SH2D4B: variants seen among roughly 807,000 people sequenced by gnomAD.
SH2D4B encodes SH2 domain containing 4B, also known as SH2 domain-containing protein 4B.
Under a neutral mutation model 61.5 loss-of-function variants are expected in SH2D4B, and 45 were observed. The observed-to-expected ratio is 0.73, with a 90% CI of 0.58 to 0.94. The LOEUF (loss-of-function observed/expected upper bound fraction) is 0.94, where lower values mean the gene tolerates loss of function less well. Among genes scored for constraint, SH2D4B ranks in the 40% least tolerant of loss-of-function variants. The pLI is 0.00. For synonymous variants in SH2D4B, 224 were observed against 220.4 expected, an observed-to-expected ratio of 1.02 and a Z score of -0.14; for missense variants, 572 against 574.2, an observed-to-expected ratio of 1.00 and a Z score of 0.04.
rs778648610 is a variant in SH2D4B, at chr10:80,603,802, C to G, written c.860+7C>G. On this transcript the variant is annotated splice_region_variant and intron_variant, in intron 5 of 7. Coordinates refer to ENST00000646907, the MANE Select transcript of SH2D4B (RefSeq NM_001388272.1). ...CCCTTGCCCTGCCGGTCAGGTGGGTCCAGGCTCCGTGTTGGTGTGGTTGGG... is the reference window on the plus strand; with the variant it reads ...CCCTTGCCCTGCCGGTCAGGTGGGTGCAGGCTCCGTGTTGGTGTGGTTGGG... 9 of 1,604,854 alleles carry G rather than the reference C, an allele frequency of 5.6e-6. No individual in the cohort carries two copies. In the African/African-American group the frequency reaches 1.1e-4, roughly 19 times the overall value.
intron 3 of SH2D4B, among the ~76,000 whole-genome samples, chr10:80,585,196 T>C (rs528386311): frequency 1.4e-4 from 22 of 152,196 alleles, no homozygotes; most frequent in Non-Finnish European, 2.8e-4. Context: ...TATCCAGACT[T>C]AAGGTTAAGA....
intron 3 of SH2D4B, among the ~76,000 whole-genome samples, chr10:80,572,978 A>G (rs1442555913): frequency 2.6e-3 from 21 of 8,088 alleles, no homozygotes; most frequent in African/African-American, 3.2e-3. Flanking sequence ...ATATATATAT[A>G]TATATATATT....
intron 6 of SH2D4B, among the ~76,000 whole-genome samples, chr10:80,623,425 C>G (rs573284933): frequency 1.2e-4 from 19 of 152,270 alleles, no homozygotes; most frequent in Admixed American, 7.2e-4. Flanking sequence ...CATCCATGAG[C>G]CCTCCATCCT....
chr10:80,551,913 G>C lies in SH2D4B; in HGVS notation c.184+13398G>C, dbSNP rs190913770. ...CCTGGACTCTGGATGTCTGAGGTCAGGGAGCCAGCATGGTCAGGGGTCTGA... is the reference window on the plus strand; with the variant it reads ...CCTGGACTCTGGATGTCTGAGGTCACGGAGCCAGCATGGTCAGGGGTCTGA... On this transcript the variant is annotated intron_variant, in intron 1 of 7. Transcript: ENST00000646907. Among the ~76,000 whole-genome samples the C allele has an allele frequency of 9.7e-4, 148 of 152,314 alleles. 1 individual carries two copies. The highest frequency in any genetic ancestry group is 3.3e-3 in the African/African-American group (139 of 41,564).
chr10:80,609,293 C>A, intron 5 of SH2D4B, 131 bp from the exon 6 acceptor site: 5 of 558,082 alleles, frequency 9.0e-6, no homozygotes, highest in Non-Finnish European at 8.7e-6. Flanking sequence ...CCTGCCCCTT[C>A]TTCCACCCCC....
intron 1 of SH2D4B, among the ~76,000 whole-genome samples, chr10:80,548,858 G>A (rs1841717683): frequency 6.6e-6 from 1 of 152,206 alleles, no homozygotes; most frequent in African/African-American, 2.4e-5. Flanking sequence ...GTGACTTAGG[G>A]AGCAAGGGCT....
At chr10:80,579,070 AT>A (rs996445799) in intron 3 of SH2D4B, among the ~76,000 whole-genome samples, 2 of 152,042 alleles carry the variant, frequency 1.3e-5, no homozygotes, top group African/African-American at 4.8e-5. Context: ...GCATTGAGGG[AT>A]TTTTACCCCA....
intron 6 of SH2D4B, among the ~76,000 whole-genome samples, chr10:80,615,752 C>A (rs1842652398): frequency 6.6e-6 from 1 of 152,140 alleles, no homozygotes; most frequent in Non-Finnish European, 1.5e-5. Context: ...TGAGAGGGGA[C>A]AGTTAAGATG....
chr10:80,572,971 TATATATATA>T (rs1564771937), intron 3 of SH2D4B, among the ~76,000 whole-genome samples: 5 of 9,580 alleles, frequency 5.2e-4, no homozygotes, highest in African/African-American at 1.0e-3. Context: ...TATATATATA[TATATATATA>T]TATATATTTT....
intron 6 of SH2D4B, among the ~76,000 whole-genome samples, chr10:80,626,850 A>G (rs879382594): frequency 5.3e-5 from 8 of 152,240 alleles, no homozygotes; most frequent in Non-Finnish European, 1.0e-4. Context: ...TAGAACAGAG[A>G]GAGCACTGGA....
intron 1 of SH2D4B, among the ~76,000 whole-genome samples, chr10:80,543,208 C>A (rs1041949733): frequency 6.6e-6 from 1 of 152,194 alleles, no homozygotes; most frequent in Non-Finnish European, 1.5e-5. Flanking sequence ...ACTGTGGGAG[C>A]CCCTTTCTGG....
chr10:80,609,770 C>T (rs1473855955), intron 6 of SH2D4B, among the ~76,000 whole-genome samples: 2 of 152,190 alleles, frequency 1.3e-5, no homozygotes, highest in African/African-American at 2.4e-5. Flanking sequence ...ACATGGCTCT[C>T]GCCCACTGCT....
chr10:80,539,732 G>T lies in SH2D4B; in HGVS notation c.184+1217G>T, dbSNP rs2132098220. Among the ~76,000 whole-genome samples the T allele has an allele frequency of 6.6e-6, 1 of 152,254 alleles. No homozygotes were observed. The highest frequency in any genetic ancestry group is 1.9e-4 in the East Asian group (1 of 5,176). Reference sequence around the variant, plus strand: ...ATCTGCTTGCCTGGCTCTCCGATGGGCTCAAAGGCACTGGTGTGTGAGGGC... The same window carrying T: ...ATCTGCTTGCCTGGCTCTCCGATGGTCTCAAAGGCACTGGTGTGTGAGGGC... On this transcript the variant is annotated intron_variant, in intron 1 of 7. Coordinates refer to ENST00000646907, the MANE Select transcript of SH2D4B (RefSeq NM_001388272.1). This position sits in a 1 kb window ranked among gnomAD's most constrained non-coding sequence, Gnocchi z 4.9.
chr10:80,622,293 A>G (rs1053585040), intron 6 of SH2D4B, among the ~76,000 whole-genome samples: 1 of 152,234 alleles, frequency 6.6e-6, no homozygotes, highest in Non-Finnish European at 1.5e-5. Flanking sequence ...CATTGTGTAT[A>G]TATCACCTTA....
intron 3 of SH2D4B, among the ~76,000 whole-genome samples, chr10:80,572,890 T>G (rs554597598): frequency 7.4e-6 from 1 of 135,920 alleles, no homozygotes; most frequent in Non-Finnish European, 1.6e-5. Flanking sequence ...AGTGCTGGGA[T>G]TATGGGTGTG....
rs1201886019 is a variant in SH2D4B at position 80,538,353 on chromosome 10, G to A, written c.22G>A (p.Asp8Asn). The A allele has an allele frequency of 4.4e-6, 6 of 1,371,804 alleles. No homozygotes were observed. The highest frequency in any genetic ancestry group is 3.6e-5 in the South Asian group (2 of 54,872). The allele number at this position is 1,371,804 out of a possible 1,614,324, so 85.0% of individuals were successfully genotyped here. A position where few individuals can be genotyped will look rare whatever the true frequency, so the allele number is the denominator to read the frequency against. The change falls in exon 1 of 8, where the codon GAC becomes AAC. Residue 8 changes from aspartate to asparagine, a missense_variant. Coordinates refer to ENST00000646907, the MANE Select transcript of SH2D4B (RefSeq NM_001388272.1). The surrounding 1 kb of genome is among the most constrained non-coding windows in gnomAD (Gnocchi z 4.8). ...CATCATGCTGCAGCAGATCCTGCACGACATGTACATCGACCCCGAGCTCCT... is the reference window on the plus strand; with the variant it reads ...CATCATGCTGCAGCAGATCCTGCACAACATGTACATCGACCCCGAGCTCCT... MLQQILHDMYIDPELLAE... is the reference protein window; with the variant it reads MLQQILHNMYIDPELLAE...
intron 1 of SH2D4B, among the ~76,000 whole-genome samples, chr10:80,557,728 T>C (rs1478797465): frequency 6.6e-6 from 1 of 152,200 alleles, no homozygotes; most frequent in African/African-American, 2.4e-5. Flanking sequence ...TCTCTCTTAC[T>C]ATCTTGATCA....
At chr10:80,604,834 TC>T (rs1842498225) in intron 5 of SH2D4B, among the ~76,000 whole-genome samples, 2 of 151,840 alleles carry the variant, frequency 1.3e-5, no homozygotes, top group African/African-American at 4.8e-5. Context: ...TGCTCTATTG[TC>T]CAGGCTGGAG....
At chr10:80,564,482 C>T (rs1006811656) in intron 1 of SH2D4B, among the ~76,000 whole-genome samples, 22 of 152,214 alleles carry the variant, frequency 1.4e-4, no homozygotes, top group African/African-American at 5.3e-4. Flanking sequence ...TCTCCTGCCT[C>T]ACAGGCCTCT....
Sources: gnomAD v4.1 joint callset for allele counts (sites outside exome capture counted in the v4.1 genomes callset) on GRCh38, gnomAD v4.1.1 for gene constraint, Gnocchi (gnomAD v3.1) non-coding constraint, MANE v1.5 for transcripts, NCBI Gene and HGNC (gene_info 2026-07-23, HGNC 2026-07-21) for gene names.